The following HDAC9 variants were observed in gnomAD, a reference collection of about 807,000 sequenced individuals.
The protein encoded by HDAC9 is histone deacetylase 9, also known as MEF-2 interacting transcription repressor (MITR) protein.
HDAC9 carries 41 observed loss-of-function variants against 139.4 expected under a neutral mutation model. The ratio of observed to expected loss-of-function variants is 0.29; its 90% CI spans 0.23 to 0.38. The LOEUF (loss-of-function observed/expected upper bound fraction) is 0.38. Ranked by LOEUF, HDAC9 falls within the 10% of genes least tolerant of loss-of-function variation. HDAC9 has a pLI of 1.00. For synonymous variants in HDAC9, 517 were observed against 476.2 expected (o/e 1.09, Z -1.12); for missense variants, 1,147 against 1,297.0 (o/e 0.88, Z 1.78).
intron 2 of HDAC9, among the ~76,000 whole-genome samples, chr7:18,523,695 G>A (rs1224384592): frequency 2.0e-5 from 3 of 152,158 alleles, no homozygotes; most frequent in African/African-American, 7.2e-5. Context: ...TAGAAATGGT[G>A]CTGTTAGATG....
At chr7:18,732,443 A>G (rs1166670198) in intron 13 of HDAC9, among the ~76,000 whole-genome samples, 1 of 137,798 alleles carries the variant, frequency 7.3e-6, no homozygotes, top group Non-Finnish European at 1.5e-5. Context: ...TGTCTATCTG[A>G]AAGTATGTGT....
At chr7:18,381,728 A>C (rs1382959907) in intron 1 of HDAC9, among the ~76,000 whole-genome samples, 1 of 152,170 alleles carries the variant, frequency 6.6e-6, no homozygotes, top group Admixed American at 6.5e-5. Context: ...ATTAGAGACA[A>C]CTTTAACAGA....
chr7:18,617,833 A>C (rs529485137), intron 6 of HDAC9, among the ~76,000 whole-genome samples: 2 of 152,284 alleles, frequency 1.3e-5, no homozygotes, highest in South Asian at 4.1e-4. Flanking sequence ...ATACACATTT[A>C]TTTGGGTATT....
intron 21 of HDAC9, among the ~76,000 whole-genome samples, chr7:18,849,471 T>A (rs751974388): frequency 2.0e-5 from 3 of 152,210 alleles, no homozygotes; most frequent in African/African-American, 4.8e-5. Context: ...AGTCATATAT[T>A]TTTTGTTTCA....
chr7:18,132,849 G>T (rs1178656423), intron 1 of HDAC9, among the ~76,000 whole-genome samples: 1 of 151,638 alleles, frequency 6.6e-6, no homozygotes, highest in African/African-American at 2.4e-5. Flanking sequence ...CTTTATATCA[G>T]AATCCCAATG....
At chr7:18,221,363 G>T (rs1335899167) in intron 2 of HDAC9, among the ~76,000 whole-genome samples, 1 of 151,920 alleles carries the variant, frequency 6.6e-6, no homozygotes, top group Admixed American at 6.6e-5. Flanking sequence ...CCTCAGCCTC[G>T]CAAAGTGCTG....
At chr7:18,281,340 A>T (rs1243703239) in intron 2 of HDAC9, among the ~76,000 whole-genome samples, 3 of 152,198 alleles carry the variant, frequency 2.0e-5, no homozygotes, top group African/African-American at 7.2e-5. Flanking sequence ...AAAATACTGC[A>T]TGGGTTTTGC....
intron 2 of HDAC9, among the ~76,000 whole-genome samples, chr7:18,556,396 T>G (rs902591821): frequency 7.9e-5 from 12 of 152,196 alleles, no homozygotes; most frequent in African/African-American, 2.9e-4. Context: ...TGCCCAAGAT[T>G]CAGAAATAAG....
rs562856479 is a variant in HDAC9 at position 18,527,592 on chromosome 7, A to G, written c.22+31268A>G. 3.9e-5 allele frequency among the ~76,000 whole-genome samples: 6 copies of G among 152,320 alleles called. No homozygotes were observed. The East Asian group carries it at 7.7e-4, about 20-fold the overall frequency. ...CAATACAAAAGTCATTCTAAGAATT[A>G]TAATTAGGAGTCTGACATTTTACAC... On this transcript the variant is annotated intron_variant, in intron 2 of 25. Coordinates refer to ENST00000686413, the MANE Select transcript of HDAC9 (RefSeq NM_178425.4).
chr7:18,733,650 A>G (rs1332019465), intron 13 of HDAC9, among the ~76,000 whole-genome samples: 1 of 151,722 alleles, frequency 6.6e-6, no homozygotes, highest in East Asian at 1.9e-4. Flanking sequence ...ATAGTTATAT[A>G]ATACATATTA....
At chr7:18,402,866 T>G (rs1329034740) in intron 1 of HDAC9, among the ~76,000 whole-genome samples, 1 of 152,138 alleles carries the variant, frequency 6.6e-6, no homozygotes, top group Non-Finnish European at 1.5e-5. Context: ...GAGAAAATTT[T>G]GGGTGGCATA....
intron 2 of HDAC9, among the ~76,000 whole-genome samples, chr7:18,252,505 G>A (rs73303458): frequency 0.018 from 2,774 of 152,114 alleles, 95 homozygotes; most frequent in African/African-American, 0.063. Flanking sequence ...ATGAAACATA[G>A]GAATGACTTC....
At chr7:18,298,439 C>CG (rs1798297591) in intron 1 of HDAC9, among the ~76,000 whole-genome samples, 1 of 152,070 alleles carries the variant, frequency 6.6e-6, no homozygotes, top group South Asian at 2.1e-4. Context: ...CTCCCCGCTC[C>CG]CCACCCCACC....
At chr7:18,719,898 A>C (rs919830925) in intron 12 of HDAC9, among the ~76,000 whole-genome samples, 2 of 152,152 alleles carry the variant, frequency 1.3e-5, no homozygotes, top group Non-Finnish European at 2.9e-5. Flanking sequence ...AATTTTTAAA[A>C]TATTTTGCCC....
intron 22 of HDAC9, among the ~76,000 whole-genome samples, chr7:18,910,890 G>T (rs551325835): frequency 6.6e-6 from 1 of 151,748 alleles, no homozygotes; most frequent in Admixed American, 6.6e-5. Flanking sequence ...ATTCATTGGG[G>T]GTATGAGCCT....
intron 1 of HDAC9, among the ~76,000 whole-genome samples, chr7:18,148,679 C>G (rs960753923): frequency 1.3e-5 from 2 of 152,026 alleles, no homozygotes; most frequent in African/African-American, 2.4e-5. Flanking sequence ...AGGCTGGTCT[C>G]GAACTCCTGA....
chr7:18,620,982 G>A (rs1055680449), intron 6 of HDAC9, among the ~76,000 whole-genome samples: 8 of 152,160 alleles, frequency 5.3e-5, no homozygotes, highest in East Asian at 1.9e-4. Context: ...GCTGTCTTTC[G>A]AAGCAAAACA....
At chr7:18,308,285 C>T (rs963617117) in intron 1 of HDAC9, among the ~76,000 whole-genome samples, 7 of 152,152 alleles carry the variant, frequency 4.6e-5, no homozygotes, top group Admixed American at 2.0e-4. Context: ...TACTTTTAAA[C>T]ATCAGAAGAA....
chr7:18,819,446 A>T (rs987485975), intron 17 of HDAC9, among the ~76,000 whole-genome samples: 7 of 152,224 alleles, frequency 4.6e-5, no homozygotes, highest in Non-Finnish European at 7.3e-5. Context: ...TTTGCCCAGA[A>T]AATGTGAATT....
Sources: allele counts gnomAD v4.1 joint callset (sites outside exome capture counted in the v4.1 genomes callset), GRCh38; gene constraint gnomAD v4.1.1; transcripts MANE v1.5; gene names NCBI Gene and HGNC (gene_info 2026-07-23, HGNC 2026-07-21).